The following KCTD2 variants were observed in gnomAD, a reference collection of about 807,000 sequenced individuals.
The protein encoded by KCTD2 is BTB/POZ domain-containing protein KCTD2.
Under a neutral mutation model 27.9 loss-of-function variants are expected in KCTD2, and 18 were observed. The ratio of observed to expected loss-of-function variants is 0.64; its 90% CI spans 0.45 to 0.96. The LOEUF is 0.96. KCTD2 is among the 40% of genes least tolerant of loss of function. KCTD2 has a pLI of 0.00. For synonymous variants in KCTD2, 175 were observed against 148.4 expected, an observed-to-expected ratio of 1.18 and a Z score of -1.30; for missense variants, 280 against 348.0, an observed-to-expected ratio of 0.80 and a Z score of 1.56.
At chr17:75,033,882 G>T (rs1298263280) in intron 1 of KCTD2, among the ~76,000 whole-genome samples, 1 of 152,268 alleles carries the variant, frequency 6.6e-6, no homozygotes, top group Non-Finnish European at 1.5e-5. Flanking sequence ...TGAGGGGAAG[G>T]GATGGCACGG....
At chr17:75,035,196 A>G (rs930712927) in intron 2 of KCTD2, 1 of 152,058 alleles carries the variant, frequency 6.6e-6, no homozygotes, top group African/African-American at 2.4e-5. Context: ...GAACGTTTTA[A>G]TCCCTGCAAC....
intron 3 of KCTD2, chr17:75,040,267 G>C (rs189719024): frequency 1.0e-4 from 137 of 1,372,388 alleles, no homozygotes; most frequent in Non-Finnish European, 1.4e-4. Flanking sequence ...TGGAAGCTAC[G>C]AATCCTTAAA....
chr17:75,054,219 GC>G, intron 3 of KCTD2, among the ~76,000 whole-genome samples: 1 of 151,780 alleles, frequency 6.6e-6, no homozygotes, highest in Non-Finnish European at 1.5e-5. Flanking sequence ...AGCCTTGTTG[GC>G]CAGGCTGGTC....
upstream of KCTD2, among the ~76,000 whole-genome samples, chr17:75,045,118 A>G (rs1413866680): frequency 6.6e-6 from 1 of 152,198 alleles, no homozygotes; most frequent in African/African-American, 2.4e-5. Context: ...GGGAGACATC[A>G]CACGTTGGTA....
chr17:75,053,015 T>G lies in KCTD2; in HGVS notation c.450T>G (p.Gly150=). ...ACTGCAGTTTTGTCCTTGTTCCAGG[T>G]GTGCTGGAGGAAGCGGAGTTTTACA... ...LIITKELAEE[G]VLEEAEFYNI... Residue 150 remains glycine (G), a splice_region_variant and synonymous_variant, in exon 3 of 6, where the codon GGT becomes GGG. Transcript: ENST00000322444. 6.2e-7 allele frequency: 1 copy of G among 1,613,758 alleles called. No homozygotes were observed. The highest frequency in any genetic ancestry group is 8.5e-7 in the Non-Finnish European group (1 of 1,179,592).
chr17:75,040,796 G>C (rs903655924), intron 3 of KCTD2: 1 of 151,598 alleles, frequency 6.6e-6, no homozygotes, highest in East Asian at 2.0e-4. Context: ...TGAGGCAAGA[G>C]AACTGCTTGA....
At chr17:75,042,761 T>A, upstream of KCTD2, 1 of 1,223,796 alleles carries the variant, frequency 8.2e-7, no homozygotes, top group African/African-American at 1.5e-5. Context: ...GAGAATCCTT[T>A]AAATCTTAGA....
Position 75,047,277 on chromosome 17 carries a change from G to A in KCTD2, c.27G>A (p.Ala9=). The A allele has an allele frequency of 3.1e-6, 3 of 983,324 alleles. No individual in the cohort carries two copies. Among genetic ancestry groups the A allele is most frequent in the Non-Finnish European group, 3.7e-6 (3 of 804,590 alleles). The allele number at this position is 983,324 out of a possible 1,614,324, so 60.9% of individuals were successfully genotyped here. MAELQLDP[A]MAGLGGGGGS... ...TGGCGGAACTGCAGCTGGACCCGGC[G>A]ATGGCGGGGCTGGGAGGGGGCGGCG... Residue 9 remains alanine (A), a synonymous_variant, in exon 1 of 6, where the codon GCG becomes GCA. Coordinates refer to ENST00000322444, the MANE Select transcript of KCTD2 (RefSeq NM_015353.3).
intron 3 of KCTD2, among the ~76,000 whole-genome samples, chr17:75,054,923 C>T (rs1293743630): frequency 6.6e-6 from 1 of 152,122 alleles, no homozygotes; most frequent in Non-Finnish European, 1.5e-5. Context: ...AAGGCAGAGT[C>T]GTGCTCCACC....
At chr17:75,049,393 G>T in intron 2 of KCTD2, 65 bp downstream of exon 2, 1 of 1,078,880 alleles carries the variant, frequency 9.3e-7, no homozygotes, top group Non-Finnish European at 1.4e-6. Flanking sequence ...TTGTTTTACA[G>T]ATTTCAATTT....
chr17:75,051,539 C>T (rs942605649), intron 2 of KCTD2, among the ~76,000 whole-genome samples: 5 of 151,612 alleles, frequency 3.3e-5, no homozygotes, highest in Non-Finnish European at 7.4e-5. Flanking sequence ...CCGCCTTGGC[C>T]TCCCGAAATG....
chr17:75,053,281 G>T (rs1567992161), intron 3 of KCTD2, among the ~76,000 whole-genome samples, 176 bp downstream of exon 3: 3 of 152,164 alleles, frequency 2.0e-5, no homozygotes, highest in Admixed American at 6.5e-5. Flanking sequence ...AAACCACAAA[G>T]AAAACAGAAT....
At position 75,049,148 on chromosome 17, in the gene KCTD2, G is replaced by C; in HGVS notation, c.340-72G>C. The C allele has an allele frequency of 8.7e-6, 8 of 921,144 alleles. No homozygotes were observed. The South Asian group carries it at 1.5e-4, about 17-fold the overall frequency. 57.1% of individuals were successfully genotyped at this position (921,144 alleles called of 1,614,324 possible). A position where few individuals can be genotyped will look rare whatever the true frequency, so the allele number is the denominator to read the frequency against. ...GTCTTGGGGCGCTGACAAAGATGGT[G>C]AAATCCTGCCCTGCCTTTGTTTAAA... On this transcript the variant is annotated intron_variant, in intron 1 of 5. Coordinates refer to ENST00000322444, the MANE Select transcript of KCTD2 (RefSeq NM_015353.3).
chr17:75,045,563 T>G (rs905941081), upstream of KCTD2, among the ~76,000 whole-genome samples: 3 of 152,250 alleles, frequency 2.0e-5, no homozygotes, highest in African/African-American at 7.2e-5. Flanking sequence ...GGATATCCCA[T>G]GCTGAGAAAA....
At chr17:75,044,232 T>A (rs1454263435), upstream of KCTD2, among the ~76,000 whole-genome samples, 301 of 84,554 alleles carry the variant, frequency 3.6e-3, no homozygotes, top group African/African-American at 0.017. Context: ...GGAGTCTCGC[T>A]CTGTCGCCCA....
Position 75,040,340 on chromosome 17 carries a change from A to G in KCTD2, c.-259+4983A>G, listed in dbSNP as rs979177771. ...CGAATACGCATCTCAATACTGGAGTAGAAAGAATATTAGACTGGGAACAGG... is the reference window on the plus strand; with the variant it reads ...CGAATACGCATCTCAATACTGGAGTGGAAAGAATATTAGACTGGGAACAGG... On this transcript the variant is annotated intron_variant, in intron 3 of 7. Coordinates refer to the KCTD2 transcript ENST00000581589. 6 of 671,918 alleles carry G rather than the reference A, an allele frequency of 8.9e-6. No homozygotes were observed. The African/African-American group carries it at 1.1e-4, about 12-fold the overall frequency. The allele number at this position is 671,918 out of a possible 1,614,324, so 41.6% of individuals were successfully genotyped here. A position where few individuals can be genotyped will look rare whatever the true frequency, so the allele number is the denominator to read the frequency against.
chr17:75,040,015 CTAACT>C (rs778932369), intron 3 of KCTD2: 14 of 1,491,122 alleles, frequency 9.4e-6, no homozygotes, highest in South Asian at 4.7e-5. Flanking sequence ...TTAATTCACT[CTAACT>C]TAACTTAGCT....
chr17:75,058,963 T>G (rs559464280), intron 3 of KCTD2, among the ~76,000 whole-genome samples: 3 of 151,592 alleles, frequency 2.0e-5, no homozygotes, highest in Non-Finnish European at 4.4e-5. Flanking sequence ...CCGGGCGTGG[T>G]GGCGGGTGCC....
At chr17:75,033,638 C>A (rs926785069) in intron 1 of KCTD2, among the ~76,000 whole-genome samples, 2 of 152,226 alleles carry the variant, frequency 1.3e-5, no homozygotes, top group Admixed American at 6.5e-5. Flanking sequence ...CCTCAGTCTT[C>A]ATACCCCATG....
Sources: gnomAD v4.1 joint callset for allele counts (sites outside exome capture counted in the v4.1 genomes callset) on GRCh38, gnomAD v4.1.1 for gene constraint, MANE v1.5 for transcripts, NCBI Gene and HGNC (gene_info 2026-07-23, HGNC 2026-07-21) for gene names.